PTPN22: variants seen among roughly 807,000 people sequenced by gnomAD.
The protein encoded by PTPN22 is tyrosine-protein phosphatase non-receptor type 22.
A neutral mutation model predicts 103.3 loss-of-function variants in PTPN22; 85 were observed. The observed-to-expected ratio is 0.82, with a 90% confidence interval of 0.69 to 0.99. The LOEUF is 0.99. Among genes scored for constraint, PTPN22 ranks in the 50% least tolerant of loss-of-function variants. The probability of loss-of-function intolerance (pLI) is 0.00; values close to 1 mark genes in which losing one functional copy is unlikely to be tolerated. For missense variants in PTPN22, 865 were observed against 936.9 expected (o/e 0.92, Z 1.00); for synonymous variants, 323 against 310.2 (o/e 1.04, Z -0.43).
chr1:113,833,056 A>G, intron 16 of PTPN22, 55 bp downstream of exon 16: 1 of 1,484,264 alleles, frequency 6.7e-7, no homozygotes, highest in Non-Finnish European at 9.3e-7. Context: ...AACTTAACGA[A>G]CCATTCTTCC....
At chr1:113,838,430 T>C (rs1415174633) in intron 12 of PTPN22, 23 bp from the exon 13 acceptor site, 1 of 1,582,082 alleles carries the variant, frequency 6.3e-7, no homozygotes, top group Non-Finnish European at 8.6e-7. Context: ...GAAAGCGTAA[T>C]GATGACACCA....
chr1:113,832,877 A>C, intron 16 of PTPN22: 1 of 376,934 alleles, frequency 2.7e-6, no homozygotes, highest in Non-Finnish European at 4.8e-6. Context: ...TCTCTGAAAT[A>C]GTTTTTATAT....
exon 18 of PTPN22, chr1:113,829,616 A>C: frequency 6.2e-7 from 1 of 1,601,452 alleles, no homozygotes; most frequent in Non-Finnish European, 8.5e-7. Context: ...AACTTTTTCC[A>C]GGAGTCTTCA....
intron 20 of PTPN22, among the ~76,000 whole-genome samples, chr1:113,818,694 G>C (rs570865107): frequency 1.3e-5 from 2 of 152,250 alleles, no homozygotes; most frequent in Non-Finnish European, 2.9e-5. Context: ...ACATTTCCCA[G>C]TCTCTTTTGC....
chr1:113,819,587 A>G (rs762288832), exon 20 of PTPN22: 20 of 1,604,630 alleles, frequency 1.2e-5, no homozygotes, highest in Non-Finnish European at 1.4e-5. Flanking sequence ...CAAAATTCAG[A>G]AATGAGCTGG....
At chr1:113,851,396 C>T (rs1571426752) in intron 10 of PTPN22, among the ~76,000 whole-genome samples, 1 of 152,082 alleles carries the variant, frequency 6.6e-6, no homozygotes, top group Non-Finnish European at 1.5e-5. Context: ...TCAGGTGATC[C>T]ACCCACCTTG....
Position 113,838,304 on chromosome 1 carries a change from CT to C in PTPN22, c.1095del (p.Glu366SerfsTer2). ...GATTTAGCAGGGTGCAAAACTAGCT[CT>C]TCTTTTGCACTTATTTCAGAAGTCC... On this transcript the variant is annotated frameshift_variant, in exon 13 of 21. Coordinates refer to ENST00000359785, the Ensembl canonical transcript of PTPN22. LOFTEE classifies it high-confidence loss of function. 6.2e-7 allele frequency: 1 copy of C among 1,613,362 alleles called. No homozygotes were observed. The highest frequency in any genetic ancestry group is 8.5e-7 in the Non-Finnish European group (1 of 1,179,744).
chr1:113,824,166 A>G (rs939372368), intron 19 of PTPN22, among the ~76,000 whole-genome samples: 3 of 151,858 alleles, frequency 2.0e-5, no homozygotes, highest in African/African-American at 7.3e-5. Context: ...CAGTGGCGCA[A>G]TCTTGGCTCA....
At chr1:113,833,249 A>C (rs891029164) in intron 15 of PTPN22, 111 bp from the exon 16 acceptor site, 2 of 736,094 alleles carry the variant, frequency 2.7e-6, no homozygotes, top group African/African-American at 3.6e-5. Flanking sequence ...CTGTAGAGAT[A>C]ATTATGAAAT....
chr1:113,854,871 TC>T, intron 8 of PTPN22, 35 bp downstream of exon 8: 1 of 1,595,410 alleles, frequency 6.3e-7, no homozygotes, highest in South Asian at 1.1e-5. Flanking sequence ...GACATTTGGT[TC>T]ATTTTGGGTA....
intron 17 of PTPN22, 38 bp downstream of exon 17, chr1:113,829,911 T>C (rs780948426): frequency 2.0e-6 from 3 of 1,516,528 alleles, no homozygotes; most frequent in African/African-American, 2.8e-5. Context: ...AACATTTTCA[T>C]TTTTATGATT....
At chr1:113,863,095 T>G (rs1373964830) in intron 1 of PTPN22, among the ~76,000 whole-genome samples, 1 of 152,050 alleles carries the variant, frequency 6.6e-6, no homozygotes, top group Non-Finnish European at 1.5e-5. Flanking sequence ...TGTTGTTGGT[T>G]GGTTGGTTGG....
intron 1 of PTPN22, chr1:113,864,182 G>A (rs1378907406): frequency 7.0e-6 from 3 of 426,170 alleles, no homozygotes; most frequent in Admixed American, 5.5e-5. Flanking sequence ...AACAAATGGT[G>A]CTAATAAGAA....
At chr1:113,831,331 T>G (rs1313264325) in intron 16 of PTPN22, among the ~76,000 whole-genome samples, 1 of 152,170 alleles carries the variant, frequency 6.6e-6, no homozygotes, top group East Asian at 1.9e-4. Context: ...CACCACAATT[T>G]AGTTCCAGAA....
chr1:113,837,904 T>C, exon 13 of PTPN22: 1 of 1,614,146 alleles, frequency 6.2e-7, no homozygotes, highest in Non-Finnish European at 8.5e-7. Context: ...TGGCAGTGAA[T>C]AATTCAGTTC....
At chr1:113,851,784 T>C (rs936557489) in intron 10 of PTPN22, among the ~76,000 whole-genome samples, 1 of 152,348 alleles carries the variant, frequency 6.6e-6, no homozygotes. Context: ...TAATATTACA[T>C]TGGTATCTTA....
rs1666599500 is a variant in PTPN22 at position 113,871,686 on chromosome 1, T to C, written c.-63A>G. 2.1e-6 allele frequency: 3 copies of C among 1,454,778 alleles called. No homozygotes were observed. Among genetic ancestry groups the C allele is most frequent in the East Asian group, 2.3e-5 (1 of 44,064 alleles). The allele number at this position is 1,454,778 out of a possible 1,614,324, so 90.1% of individuals were successfully genotyped here. The stretch of plus-strand genomic sequence containing the variant: ...GGGAGGGCATGTCAAATGTGTGTCA[T>C]GGCCGAGACACCTCCAAAAAGCCAC... On this transcript the variant is annotated 5_prime_UTR_variant, in exon 1 of 21. An upstream start codon of the reference 5' UTR is lost. Transcript: ENST00000359785.
At chr1:113,842,066 T>C (rs1359032887) in intron 11 of PTPN22, among the ~76,000 whole-genome samples, 1 of 151,932 alleles carries the variant, frequency 6.6e-6, no homozygotes, top group Non-Finnish European at 1.5e-5. Context: ...AAAAATTAGC[T>C]TGGTGTGGTA....
At chr1:113,846,593 T>C (rs745736686) in intron 11 of PTPN22, among the ~76,000 whole-genome samples, 8 of 152,218 alleles carry the variant, frequency 5.3e-5, no homozygotes, top group African/African-American at 1.2e-4. Flanking sequence ...TCTTTCATCA[T>C]TCCCTTTCGG....
Sources: gnomAD v4.1 joint callset for allele counts (sites outside exome capture counted in the v4.1 genomes callset) on GRCh38, gnomAD v4.1.1 for gene constraint, MANE v1.5 for transcripts, NCBI Gene and HGNC (gene_info 2026-07-23, HGNC 2026-07-21) for gene names.